SMCHD1: variants seen among roughly 807,000 people sequenced by gnomAD.
SMCHD1 encodes the protein structural maintenance of chromosomes flexible hinge domain containing 1.
SMCHD1 carries 78 observed loss-of-function variants against 254.7 expected under a neutral mutation model. That is an observed-to-expected ratio of 0.31 (90% CI 0.26 to 0.37). The LOEUF is 0.37. Among genes scored for constraint, SMCHD1 ranks in the 10% least tolerant of loss-of-function variants. The pLI is 1.00. For synonymous variants in SMCHD1, 766 were observed against 794.9 expected, an observed-to-expected ratio of 0.96 and a Z score of 0.61; for missense variants, 1,840 against 2,408.1, an observed-to-expected ratio of 0.76 and a Z score of 4.94.
chr18:2,771,562 G>A lies in SMCHD1; in HGVS notation c.4996G>A (p.Ala1666Thr), dbSNP rs1438902037. 1.3e-6 allele frequency: 2 copies of A among 1,564,840 alleles called. No individual in the cohort carries two copies. Among genetic ancestry groups the A allele is most frequent in the South Asian group, 2.5e-5 (2 of 81,000 alleles). Residue 1666 changes from alanine (A) to threonine (T), a missense_variant, in exon 40 of 48, where the codon GCC (alanine) becomes ACC (threonine). By Grantham distance (58) the Ala-to-Thr change is moderately conservative. Transcript: ENST00000320876. ...CQVEEARLKE[A>T]QLRNELKIHN... The stretch of plus-strand genomic sequence containing the variant: ...AGTTGAAGAAGCAAGATTAAAAGAG[G>A]CCCAATTGCGAAATGAACTAAAAAT...
At position 2,722,333 on chromosome 18, in the gene SMCHD1, G is replaced by T. The variant is rs1360813310; in HGVS notation, c.2459-186G>T. 4.6e-5 allele frequency among the ~76,000 whole-genome samples: 7 copies of T among 152,122 alleles called. No individual in the cohort carries two copies. In the East Asian group the frequency reaches 1.2e-3, roughly 25 times the overall value. On this transcript the variant is annotated intron_variant, in intron 19 of 47. Transcript: ENST00000320876. ...CACACCTGTAGTCCCAGCTACTCAG[G>T]AGGTTTTTCCCAAGTGGATTGTCTG... is the stretch of plus-strand genomic sequence containing the variant.
chr18:2,718,258 A>G lies in SMCHD1; in HGVS notation c.2338+23A>G, dbSNP rs1408006360. On this transcript the variant is annotated intron_variant, in intron 18 of 47. Coordinates refer to ENST00000320876, the MANE Select transcript of SMCHD1 (RefSeq NM_015295.3). The surrounding 1 kb of genome is among the most constrained non-coding windows in gnomAD (Gnocchi z 4.6). Reference sequence around the variant, plus strand: ...TGGGTGAGTTCTTATTCTGAATGTTAAAAAATACATTGGTATTGTGTTGAC... The same window carrying G: ...TGGGTGAGTTCTTATTCTGAATGTTGAAAAATACATTGGTATTGTGTTGAC... 1.2e-6 allele frequency: 2 copies of G among 1,610,358 alleles called. No homozygotes were observed. The highest frequency in any genetic ancestry group is 1.7e-6 in the Non-Finnish European group (2 of 1,177,936).
intron 1 of SMCHD1, among the ~76,000 whole-genome samples, chr18:2,661,878 C>T (rs1163129955): frequency 3.9e-5 from 6 of 152,020 alleles, no homozygotes; most frequent in African/African-American, 7.2e-5. Flanking sequence ...AAAGAAAGGC[C>T]GGGCGCGGTG....
At chr18:2,791,425 A>G (rs1440194450) in intron 45 of SMCHD1, among the ~76,000 whole-genome samples, 1 of 152,098 alleles carries the variant, frequency 6.6e-6, no homozygotes, top group Non-Finnish European at 1.5e-5. Context: ...AAAATAAAAT[A>G]ATTAGTTGGG....
intron 25 of SMCHD1, among the ~76,000 whole-genome samples, chr18:2,734,426 AT>A (rs1394119832): frequency 3.3e-5 from 5 of 152,164 alleles, no homozygotes; most frequent in African/African-American, 1.2e-4. Flanking sequence ...GTAATTATGT[AT>A]GTCTGTGCAC....
Position 2,804,885 on chromosome 18 carries a change from A to G in SMCHD1, c.*2333A>G, listed in dbSNP as rs1272089115. 3 of 152,226 alleles carry G rather than the reference A, an allele frequency of 2.0e-5. No individual in the cohort carries two copies. The highest frequency in any genetic ancestry group is 2.9e-5 in the Non-Finnish European group (2 of 68,034). The allele number at this position is 152,226 out of a possible 1,614,324, so 9.4% of individuals were successfully genotyped here. A position where few individuals can be genotyped will look rare whatever the true frequency, so the allele number is the denominator to read the frequency against. ...CCATTTATCCTGTGTTATGTGTTAT[A>G]TAATCTGAAATTTGTCACAATGTTA... On this transcript the variant is annotated 3_prime_UTR_variant, in exon 48 of 48. Coordinates refer to ENST00000320876, the MANE Select transcript of SMCHD1 (RefSeq NM_015295.3).
chr18:2,798,491 G>A (rs563044868), intron 47 of SMCHD1, among the ~76,000 whole-genome samples: 1 of 152,322 alleles, frequency 6.6e-6, no homozygotes, highest in South Asian at 2.1e-4. Flanking sequence ...GCACCTGCTT[G>A]TGACTGTGAA....
chr18:2,708,907 T>TAAAA lies in SMCHD1; in HGVS notation c.2260+989_2260+990insAAAA, dbSNP rs1555635504. ...ATATATATATATATATATATATATA[T>TAAAA]AACATATTAACATGAAATTTATGAA... On this transcript the variant is annotated intron_variant, in intron 17 of 47. Transcript: ENST00000320876. Among the ~76,000 whole-genome samples, 61 of 44,704 alleles carry TAAAA rather than the reference T, an allele frequency of 1.4e-3. 9 individuals carry two copies. Among genetic ancestry groups the TAAAA allele is most frequent in the African/African-American group, 3.5e-3 (42 of 11,890 alleles). 29.3% of individuals were successfully genotyped at this position (44,704 alleles called of 152,430 possible). A position where few individuals can be genotyped will look rare whatever the true frequency, so the allele number is the denominator to read the frequency against.
chr18:2,674,778 G>A (rs796607128), intron 5 of SMCHD1, among the ~76,000 whole-genome samples: 43 of 152,306 alleles, frequency 2.8e-4, no homozygotes, highest in African/African-American at 9.6e-4. Context: ...ACATACTTGG[G>A]AAGAGTCTCT....
chr18:2,773,639 A>G (rs2076019208), intron 41 of SMCHD1, among the ~76,000 whole-genome samples: 1 of 152,198 alleles, frequency 6.6e-6, no homozygotes, highest in Non-Finnish European at 1.5e-5. Flanking sequence ...AAACTAGAAT[A>G]GTCCGGGCGC....
At chr18:2,671,868 G>T (rs1459515628) in intron 3 of SMCHD1, among the ~76,000 whole-genome samples, 1 of 151,982 alleles carries the variant, frequency 6.6e-6, no homozygotes, top group Non-Finnish European at 1.5e-5. Flanking sequence ...AAAGTGCTGG[G>T]ATTACAGGCG....
intron 24 of SMCHD1, among the ~76,000 whole-genome samples, 154 bp from the exon 25 acceptor site, chr18:2,732,111 G>A (rs570307890): frequency 6.6e-6 from 1 of 152,110 alleles, no homozygotes; most frequent in Non-Finnish European, 1.5e-5. Flanking sequence ...TATAAAATAC[G>A]GAATTATTAA....
At chr18:2,747,439 T>G in intron 29 of SMCHD1, 83 bp from the exon 30 acceptor site, 1 of 1,212,604 alleles carries the variant, frequency 8.2e-7, no homozygotes, top group East Asian at 2.6e-5. Flanking sequence ...ATAAATTAAG[T>G]GATCGTTACA....
chr18:2,738,370 ATTG>A, intron 25 of SMCHD1, 24 bp from the exon 26 acceptor site: 2 of 1,543,900 alleles, frequency 1.3e-6, no homozygotes, highest in South Asian at 1.2e-5. Flanking sequence ...AAGCTTTATT[ATTG>A]TTAAATATCT....
At chr18:2,771,209 C>CTT (rs1038273342) in intron 39 of SMCHD1, among the ~76,000 whole-genome samples, 1 of 152,086 alleles carries the variant, frequency 6.6e-6, no homozygotes. Context: ...TTTATAAAGT[C>CTT]TTTGAGAACA....
At chr18:2,792,744 A>G (rs1207912096) in intron 45 of SMCHD1, among the ~76,000 whole-genome samples, 1 of 152,234 alleles carries the variant, frequency 6.6e-6, no homozygotes, top group Non-Finnish European at 1.5e-5. Flanking sequence ...TCAGTCAATT[A>G]TGATGGTTTT....
At chr18:2,753,533 G>A (rs12970852) in intron 34 of SMCHD1, among the ~76,000 whole-genome samples, 46,011 of 151,968 alleles carry the variant, frequency 0.3, 7,158 homozygotes, top group East Asian at 0.5. Context: ...ATAGATGTGT[G>A]TGTTTAACTT....
intron 17 of SMCHD1, among the ~76,000 whole-genome samples, chr18:2,712,429 A>G (rs1014026865): frequency 6.6e-6 from 1 of 152,216 alleles, no homozygotes; most frequent in Admixed American, 6.5e-5. Context: ...TGACCGTTGA[A>G]AAACATGGGT....
intron 5 of SMCHD1, among the ~76,000 whole-genome samples, chr18:2,685,271 T>C (rs2074025167): frequency 6.6e-6 from 1 of 151,872 alleles, no homozygotes; most frequent in Non-Finnish European, 1.5e-5. Flanking sequence ...GGCTAATTTT[T>C]TGTATTTTTA....
Sources: gnomAD v4.1 joint callset for allele counts (sites outside exome capture counted in the v4.1 genomes callset) on GRCh38, gnomAD v4.1.1 for gene constraint, Gnocchi (gnomAD v3.1) non-coding constraint, MANE v1.5 for transcripts, NCBI Gene and HGNC (gene_info 2026-07-23, HGNC 2026-07-21) for gene names.